The following CDKAL1 variants were observed in gnomAD, a reference collection of about 807,000 sequenced individuals.
The protein encoded by CDKAL1 is threonylcarbamoyladenosine tRNA methylthiotransferase.
Under a neutral mutation model 68.2 loss-of-function variants are expected in CDKAL1, and 32 were observed. The observed-to-expected ratio is 0.47, with a 90% CI of 0.35 to 0.63. The LOEUF (loss-of-function observed/expected upper bound fraction) is 0.63, where lower values mean the gene tolerates loss of function less well. Ranked by LOEUF, CDKAL1 falls within the 30% of genes least tolerant of loss-of-function variation. The pLI is 0.00. For synonymous variants in CDKAL1, 234 were observed against 244.3 expected, an observed-to-expected ratio of 0.96 and a Z score of 0.39; for missense variants, 606 against 696.7, an observed-to-expected ratio of 0.87 and a Z score of 1.47.
intron 12 of CDKAL1, among the ~76,000 whole-genome samples, chr6:21,091,792 A>G (rs1050108281): frequency 1.3e-5 from 2 of 151,816 alleles, no homozygotes; most frequent in Non-Finnish European, 2.9e-5. Context: ...TAATTAAACA[A>G]TTCAACCAGA....
At chr6:21,039,741 AT>A (rs1045761221) in intron 11 of CDKAL1, among the ~76,000 whole-genome samples, 26 of 151,654 alleles carry the variant, frequency 1.7e-4, no homozygotes, top group African/African-American at 5.8e-4. Context: ...AATCACTCAA[AT>A]TTTTTTTTAG....
intron 14 of CDKAL1, 48 bp downstream of exon 14, chr6:21,198,152 G>C (rs751505801): frequency 7.7e-7 from 1 of 1,299,436 alleles, no homozygotes; most frequent in Non-Finnish European, 1.1e-6. Context: ...GTGAGAAAGA[G>C]TTCTGAAAGT....
intron 5 of CDKAL1, among the ~76,000 whole-genome samples, chr6:20,700,674 G>T (rs1222043610): frequency 6.6e-6 from 1 of 152,160 alleles, no homozygotes; most frequent in Non-Finnish European, 1.5e-5. Flanking sequence ...GCTACAGAAA[G>T]ATTCTACTGA....
chr6:21,024,643 A>G (rs184488712), intron 11 of CDKAL1, among the ~76,000 whole-genome samples: 1 of 152,346 alleles, frequency 6.6e-6, no homozygotes, highest in African/African-American at 2.4e-5. Flanking sequence ...TTAGAAGCCA[A>G]TGCAAAAAAG....
chr6:20,950,919 G>A (rs748920217), intron 9 of CDKAL1, among the ~76,000 whole-genome samples: 1 of 150,974 alleles, frequency 6.6e-6, no homozygotes, highest in African/African-American at 2.4e-5. Flanking sequence ...ACAGTGAGCC[G>A]AGATCGTGCC....
At chr6:21,097,875 C>T (rs1304026488) in intron 12 of CDKAL1, among the ~76,000 whole-genome samples, 1 of 152,162 alleles carries the variant, frequency 6.6e-6, no homozygotes, top group South Asian at 2.1e-4. Context: ...GTAATAATTC[C>T]ATCCAGCACA....
intron 9 of CDKAL1, among the ~76,000 whole-genome samples, chr6:20,936,976 C>T (rs1763750483): frequency 6.6e-6 from 1 of 152,172 alleles, no homozygotes; most frequent in Admixed American, 6.5e-5. Context: ...CGTACTCTGC[C>T]TTCATTTTCT....
chr6:21,222,644 T>G (rs1295939751), intron 15 of CDKAL1, among the ~76,000 whole-genome samples: 4 of 152,168 alleles, frequency 2.6e-5, no homozygotes, highest in Non-Finnish European at 4.4e-5. Context: ...GAAAGATAGC[T>G]TGGCACCCTT....
intron 11 of CDKAL1, among the ~76,000 whole-genome samples, chr6:21,045,783 G>A (rs1233401432): frequency 6.6e-6 from 1 of 152,152 alleles, no homozygotes; most frequent in East Asian, 1.9e-4. Flanking sequence ...TAATGATGGA[G>A]GGGTGCTGAG....
At chr6:21,013,339 G>A (rs1220136498) in intron 11 of CDKAL1, among the ~76,000 whole-genome samples, 2 of 151,394 alleles carry the variant, frequency 1.3e-5, no homozygotes, top group African/African-American at 2.4e-5. Context: ...CTCTTTTCAA[G>A]TATAAGTCCA....
At chr6:20,665,705 T>G (rs571737917) in intron 5 of CDKAL1, among the ~76,000 whole-genome samples, 1 of 149,504 alleles carries the variant, frequency 6.7e-6, no homozygotes, top group East Asian at 1.9e-4. Context: ...GAGAGATGAG[T>G]TTTTTTTTTT....
Position 20,961,897 on chromosome 6 carries a change from C to T in CDKAL1, c.909+6312C>T, listed in dbSNP as rs149104997. Among the ~76,000 whole-genome samples the T allele has an allele frequency of 3.0e-3, 450 of 152,100 alleles. 4 individuals are homozygous for T. The highest frequency in any genetic ancestry group is 9.3e-3 in the African/African-American group (387 of 41,510). On this transcript the variant is annotated intron_variant, in intron 10 of 15. Coordinates refer to ENST00000274695, the MANE Select transcript of CDKAL1 (RefSeq NM_017774.3). ...ATGTATAACAAGCCTGCACATGTACCCCTGAGCCTAAAATAAAAGTTAAAA... is the reference window on the plus strand; with the variant it reads ...ATGTATAACAAGCCTGCACATGTACTCCTGAGCCTAAAATAAAAGTTAAAA...
At chr6:20,838,147 G>T (rs1005702440) in intron 8 of CDKAL1, among the ~76,000 whole-genome samples, 6 of 151,538 alleles carry the variant, frequency 4.0e-5, no homozygotes, top group African/African-American at 1.2e-4. Flanking sequence ...GGTATATTAG[G>T]AATATATCTT....
At chr6:20,790,826 G>A (rs546374775) in intron 8 of CDKAL1, among the ~76,000 whole-genome samples, 50 of 152,312 alleles carry the variant, frequency 3.3e-4, no homozygotes, top group African/African-American at 1.2e-3. Context: ...GTGTGTCTGG[G>A]TCTGGGGCTT....
At chr6:20,847,142 C>T (rs546367316) in intron 9 of CDKAL1, among the ~76,000 whole-genome samples, 1 of 152,090 alleles carries the variant, frequency 6.6e-6, no homozygotes. Context: ...TTATTGATGC[C>T]TCCCAACAGT....
At chr6:21,218,399 A>G (rs1416143308) in intron 15 of CDKAL1, among the ~76,000 whole-genome samples, 3 of 152,244 alleles carry the variant, frequency 2.0e-5, no homozygotes, top group Non-Finnish European at 4.4e-5. Context: ...ACTTAAAACA[A>G]CAAACATTTA....
At chr6:21,213,118 C>A (rs1234219948) in intron 15 of CDKAL1, among the ~76,000 whole-genome samples, 1 of 152,156 alleles carries the variant, frequency 6.6e-6, no homozygotes, top group Non-Finnish European at 1.5e-5. Flanking sequence ...TCAGGTCAGA[C>A]CGTGGGTTTG....
chr6:20,971,535 A>G (rs1048989486), intron 10 of CDKAL1, among the ~76,000 whole-genome samples: 1 of 152,186 alleles, frequency 6.6e-6, no homozygotes, highest in Non-Finnish European at 1.5e-5. Context: ...TTCAAAACTT[A>G]AAGAGTCATT....
intron 9 of CDKAL1, among the ~76,000 whole-genome samples, chr6:20,942,004 C>A (rs545259647): frequency 3.3e-5 from 5 of 152,170 alleles, no homozygotes; most frequent in African/African-American, 1.2e-4. Context: ...ATTAGCCTCT[C>A]ATAGCAGAAT....
Sources: gnomAD v4.1 joint callset for allele counts (sites outside exome capture counted in the v4.1 genomes callset) on GRCh38, gnomAD v4.1.1 for gene constraint, MANE v1.5 for transcripts, NCBI Gene and HGNC (gene_info 2026-07-23, HGNC 2026-07-21) for gene names.